The following FBXO11 variants were observed in gnomAD, a reference collection of about 807,000 sequenced individuals.
FBXO11 encodes the protein F-box protein 11.
FBXO11 carries 13 observed loss-of-function variants against 117.0 expected under a neutral mutation model. The ratio of observed to expected loss-of-function variants is 0.11; its 90% CI spans 0.07 to 0.18. The LOEUF (loss-of-function observed/expected upper bound fraction) is 0.18. Among genes scored for constraint, FBXO11 ranks in the 10% least tolerant of loss-of-function variants. The pLI is 1.00. For synonymous variants in FBXO11, 490 were observed against 380.5 expected (o/e 1.29, Z -3.35); for missense variants, 767 against 1,164.4 (o/e 0.66, Z 4.97).
At chr2:47,824,975 G>T (rs542996240) in intron 11 of FBXO11, among the ~76,000 whole-genome samples, 1 of 151,968 alleles carries the variant, frequency 6.6e-6, no homozygotes, top group East Asian at 1.9e-4. Flanking sequence ...ATATTATTTC[G>T]ATATTTATAT....
chr2:47,835,990 T>C lies in FBXO11; in HGVS notation c.599A>G (p.Tyr200Cys). The C allele has an allele frequency of 6.3e-7, 1 of 1,599,634 alleles. No individual in the cohort carries two copies. ...ANDPILWKRL[Y>C]MEVFEYTRPM... Reference sequence around the variant, plus strand: ...GCGAGTATATTCAAATACTTCCATATATAATCGTTTCCTGAACAGAGAAAG... The same window carrying C: ...GCGAGTATATTCAAATACTTCCATACATAATCGTTTCCTGAACAGAGAAAG... The change falls in exon 5 of 23, where the codon TAT (tyrosine) becomes TGT (cysteine). Residue 200 changes from tyrosine to cysteine, a missense_variant. This residue lies in a region of FBXO11 where 355 missense variants were observed against 299.8 expected (regional missense o/e 1.18). Transcript: ENST00000403359.
rs982267226 is a variant in FBXO11 at position 47,812,622 on chromosome 2, T to C, written c.2227+612A>G. On this transcript the variant is annotated intron_variant, in intron 18 of 22. Coordinates refer to ENST00000403359, the MANE Select transcript of FBXO11 (RefSeq NM_001190274.2). Reference sequence around the variant, plus strand: ...AATCTTGGCATGTTAGAGTAATAACTAGCTATTCTATGTAAGATATGTACA... The same window carrying C: ...AATCTTGGCATGTTAGAGTAATAACCAGCTATTCTATGTAAGATATGTACA... Among the ~76,000 whole-genome samples, 5 of 152,338 alleles carry C rather than the reference T, an allele frequency of 3.3e-5. No homozygotes were observed. In the East Asian group the frequency reaches 7.7e-4, roughly 23 times the overall value.
intron 1 of FBXO11, among the ~76,000 whole-genome samples, chr2:47,902,596 T>A (rs1340288915): frequency 6.6e-6 from 1 of 152,018 alleles, no homozygotes; most frequent in African/African-American, 2.4e-5. Flanking sequence ...CATACACACG[T>A]GTGTATGTAA....
chr2:47,813,146 ACTTAGTTAG>A (rs769733772), intron 18 of FBXO11, 79 bp downstream of exon 18: 1 of 1,301,492 alleles, frequency 7.7e-7, no homozygotes, highest in Non-Finnish European at 1.1e-6. Flanking sequence ...CTCATTTATA[ACTTAGTTAG>A]CAATGTCATT....
intron 1 of FBXO11, among the ~76,000 whole-genome samples, chr2:47,900,350 C>A (rs895477553): frequency 6.6e-6 from 1 of 151,996 alleles, no homozygotes. Flanking sequence ...CTTCCTAAAA[C>A]AGGAAAAATC....
chr2:47,882,228 G>A (rs377734999), intron 1 of FBXO11, among the ~76,000 whole-genome samples: 1 of 152,098 alleles, frequency 6.6e-6, no homozygotes, highest in African/African-American at 2.4e-5. Flanking sequence ...TCTTTAGCTC[G>A]CACTTTACTT....
intron 1 of FBXO11, among the ~76,000 whole-genome samples, chr2:47,848,106 A>G (rs1457717552): frequency 2.0e-5 from 3 of 152,020 alleles, no homozygotes; most frequent in Non-Finnish European, 4.4e-5. Flanking sequence ...CCTGGGCGAC[A>G]GAGCGAGACC....
intron 1 of FBXO11, among the ~76,000 whole-genome samples, chr2:47,870,644 G>C (rs920847336): frequency 3.9e-5 from 6 of 152,180 alleles, no homozygotes; most frequent in African/African-American, 1.4e-4. Flanking sequence ...GATTCTCAAA[G>C]AATCATGGTG....
At chr2:47,831,534 C>CTCACCATA (rs1323604471) in intron 11 of FBXO11, among the ~76,000 whole-genome samples, 1 of 151,484 alleles carries the variant, frequency 6.6e-6, no homozygotes, top group Non-Finnish European at 1.5e-5. Context: ...GCAACAAAAC[C>CTCACCATA]TCACCATAAT....
intron 1 of FBXO11, among the ~76,000 whole-genome samples, chr2:47,857,346 C>CT (rs980091369): frequency 2.2e-4 from 34 of 151,980 alleles, no homozygotes; most frequent in Non-Finnish European, 2.8e-4. Context: ...GTCTCAAACT[C>CT]TTGGCTTCAA....
At chr2:47,830,261 T>C (rs375951316) in intron 11 of FBXO11, among the ~76,000 whole-genome samples, 102 of 152,070 alleles carry the variant, frequency 6.7e-4, no homozygotes, top group African/African-American at 2.2e-3. Flanking sequence ...AATGCTACAA[T>C]AGAAAAATGT....
chr2:47,904,410 T>C (rs1678570677), intron 1 of FBXO11, among the ~76,000 whole-genome samples: 1 of 152,174 alleles, frequency 6.6e-6, no homozygotes. Flanking sequence ...CCTCCCAAAA[T>C]AACCACATCA....
intron 1 of FBXO11, among the ~76,000 whole-genome samples, chr2:47,860,232 A>AT (rs1674653095): frequency 2.6e-5 from 4 of 152,202 alleles, no homozygotes; most frequent in Middle Eastern, 6.8e-3. Context: ...TAAACTACTC[A>AT]TTTTTATCAC....
intron 11 of FBXO11, among the ~76,000 whole-genome samples, chr2:47,828,978 G>A (rs1340533682): frequency 6.6e-6 from 1 of 151,980 alleles, no homozygotes; most frequent in Admixed American, 6.5e-5. Flanking sequence ...GCAGTGGCAT[G>A]ATCTTGGGTC....
chr2:47,895,044 G>A (rs1677552370), intron 1 of FBXO11, among the ~76,000 whole-genome samples: 1 of 152,082 alleles, frequency 6.6e-6, no homozygotes, highest in African/African-American at 2.4e-5. Context: ...ACACCTTAAA[G>A]CTGTTTTAGT....
chr2:47,826,363 C>T (rs981573107), intron 11 of FBXO11, among the ~76,000 whole-genome samples: 1 of 152,088 alleles, frequency 6.6e-6, no homozygotes, highest in Non-Finnish European at 1.5e-5. Context: ...AGCTGATCCA[C>T]AAGTTTTTTA....
chr2:47,878,888 A>C (rs1572893591), intron 1 of FBXO11, among the ~76,000 whole-genome samples: 1 of 152,140 alleles, frequency 6.6e-6, no homozygotes, highest in Admixed American at 6.5e-5. Context: ...CTGAGGCAGG[A>C]GAATCACTTG....
At chr2:47,831,998 TG>T (rs143951973) in intron 11 of FBXO11, among the ~76,000 whole-genome samples, 7,953 of 152,248 alleles carry the variant, frequency 0.052, 230 homozygotes, top group Non-Finnish European at 0.068. Context: ...GCCCCATCCT[TG>T]GAAATTTTGA....
At chr2:47,871,823 C>A (rs1040475160) in intron 1 of FBXO11, among the ~76,000 whole-genome samples, 3 of 152,164 alleles carry the variant, frequency 2.0e-5, no homozygotes, top group Admixed American at 1.3e-4. Flanking sequence ...CAAATTCATT[C>A]CACTTTTTGA....
Sources: gnomAD v4.1 joint callset for allele counts (sites outside exome capture counted in the v4.1 genomes callset) on GRCh38, gnomAD v4.1.1 for gene constraint, gnomAD v4.1.1 regional missense constraint, MANE v1.5 for transcripts, NCBI Gene and HGNC (gene_info 2026-07-23, HGNC 2026-07-21) for gene names.